The following FLT1 variants were observed in gnomAD, a reference collection of about 807,000 sequenced individuals.
FLT1 encodes fms related receptor tyrosine kinase 1.
FLT1 carries 49 observed loss-of-function variants against 156.3 expected under a neutral mutation model. The ratio of observed to expected loss-of-function variants is 0.31; its 90% CI spans 0.25 to 0.40. FLT1 has a LOEUF of 0.40. Among genes scored for constraint, FLT1 ranks in the 10% least tolerant of loss-of-function variants. The pLI, the probability that FLT1 is intolerant of heterozygous loss-of-function variation, is 1.00. For missense variants in FLT1, 1,322 were observed against 1,637.2 expected (o/e 0.81, Z 3.32); for synonymous variants, 594 against 583.8 (o/e 1.02, Z -0.25).
chr13:28,339,286 T>C lies in FLT1; in HGVS notation c.2370A>G (p.Ile790Met), dbSNP rs1313714115. 4.3e-6 allele frequency: 7 copies of C among 1,613,282 alleles called. No individual in the cohort carries two copies. The Middle Eastern group carries it at 5.1e-4, about 117-fold the overall frequency. Residue 790 changes from isoleucine (I) to methionine (M), a missense_variant, in exon 17 of 30, where the codon ATA becomes ATG. Physicochemically the swap from Ile to Met is conservative, Grantham distance 10 (BLOSUM62 1). This residue lies in a region of FLT1 where 991 missense variants were observed against 1,254.8 expected (regional missense o/e 0.79). Coordinates refer to ENST00000282397, the MANE Select transcript of FLT1 (RefSeq NM_002019.4). ...TTATAATTGATAGGTAGTCAGTCTT[T>C]ATTTCAGAAGAAGACTGAGAAATAA... ...IRKMKRSSSEIKTDYLSIIMD... is the reference protein window; with the variant it reads ...IRKMKRSSSEMKTDYLSIIMD...
chr13:28,415,014 A>C (rs533612943), intron 10 of FLT1, among the ~76,000 whole-genome samples: 1 of 152,320 alleles, frequency 6.6e-6, no homozygotes, highest in East Asian at 1.9e-4. Context: ...ACCTCAGCAC[A>C]GCAGTGTCAG....
intron 3 of FLT1, among the ~76,000 whole-genome samples, chr13:28,443,408 G>A (rs1566030471): frequency 6.6e-6 from 1 of 152,144 alleles, no homozygotes; most frequent in Non-Finnish European, 1.5e-5. Flanking sequence ...ATTTCCAACT[G>A]GCATCACCTG....
chr13:28,494,907 C>T lies in FLT1; in HGVS notation c.-64G>A. 2.2e-6 allele frequency: 3 copies of T among 1,357,428 alleles called. No individual in the cohort carries two copies. The highest frequency in any genetic ancestry group is 2.6e-5 in the South Asian group (2 of 76,464). The allele number at this position is 1,357,428 out of a possible 1,614,324, so 84.1% of individuals were successfully genotyped here. A position where few individuals can be genotyped will look rare whatever the true frequency, so the allele number is the denominator to read the frequency against. The stretch of plus-strand genomic sequence containing the variant: ...TCCCCGCGGCCAACGACCCGGCCGC[C>T]AGAGTCCGTCCTCTCGTTCGCCGCC... On this transcript the variant is annotated 5_prime_UTR_variant, in exon 1 of 30. Coordinates refer to ENST00000282397, the MANE Select transcript of FLT1 (RefSeq NM_002019.4).
At chr13:28,454,612 C>T (rs1390542605) in intron 3 of FLT1, among the ~76,000 whole-genome samples, 1 of 152,158 alleles carries the variant, frequency 6.6e-6, no homozygotes, top group African/African-American at 2.4e-5. Context: ...TTCCCTCTCA[C>T]TACTACTTTC....
At chr13:28,398,212 T>C (rs1875183560) in intron 11 of FLT1, among the ~76,000 whole-genome samples, 1 of 152,228 alleles carries the variant, frequency 6.6e-6, no homozygotes, top group African/African-American at 2.4e-5. Flanking sequence ...GCAGCCTATG[T>C]CCTAGGACAA....
intron 14 of FLT1, among the ~76,000 whole-genome samples, chr13:28,378,327 A>G (rs976531190): frequency 1.3e-5 from 2 of 152,196 alleles, no homozygotes; most frequent in African/African-American, 4.8e-5. Context: ...GATTACAGGC[A>G]TGAGCCAGCG....
chr13:28,400,863 C>T (rs1396590709), intron 11 of FLT1, among the ~76,000 whole-genome samples: 4 of 152,114 alleles, frequency 2.6e-5, no homozygotes, highest in African/African-American at 7.2e-5. Context: ...AATTAGTTTT[C>T]ATTTTCCACA....
At chr13:28,412,578 C>T (rs140026925) in intron 10 of FLT1, among the ~76,000 whole-genome samples, 28 of 150,772 alleles carry the variant, frequency 1.9e-4, no homozygotes, top group African/African-American at 5.1e-4. Context: ...TGTGCCACCA[C>T]GTCTGGCTAA....
At chr13:28,399,284 G>C (rs1875276105) in intron 11 of FLT1, among the ~76,000 whole-genome samples, 1 of 152,140 alleles carries the variant, frequency 6.6e-6, no homozygotes, top group Non-Finnish European at 1.5e-5. Flanking sequence ...TATGAAGTTA[G>C]TTCTCAAGTG....
chr13:28,462,423 C>T (rs529246303), intron 3 of FLT1, among the ~76,000 whole-genome samples: 68 of 152,316 alleles, frequency 4.5e-4, no homozygotes, highest in Non-Finnish European at 8.8e-4. Flanking sequence ...CCCAACATTA[C>T]TGTTCTTCTA....
At chr13:28,412,365 T>TTTCTTTCCTTCCTTCC in intron 10 of FLT1, among the ~76,000 whole-genome samples, 1 of 95,416 alleles carries the variant, frequency 1.0e-5, no homozygotes, top group African/African-American at 3.3e-5. Flanking sequence ...TCTTTCTTTC[T>TTTCTTTCCTTCCTTCC]TTCTTTCTTT....
intron 14 of FLT1, among the ~76,000 whole-genome samples, 183 bp from the exon 15 acceptor site, chr13:28,357,868 C>CTT (rs57304530): frequency 0.028 from 2,893 of 104,706 alleles, 155 homozygotes; most frequent in Admixed American, 0.053. Context: ...CTTTTCTTTC[C>CTT]TTTTTTTTTT....
chr13:28,424,215 AG>A (rs913683532), intron 10 of FLT1, among the ~76,000 whole-genome samples: 10 of 152,066 alleles, frequency 6.6e-5, no homozygotes, highest in Admixed American at 2.0e-4. Context: ...TTGGGATTAC[AG>A]GTATGAGCCA....
chr13:28,493,846 A>G (rs1436340140), intron 1 of FLT1, among the ~76,000 whole-genome samples: 1 of 152,266 alleles, frequency 6.6e-6, no homozygotes, highest in Admixed American at 6.5e-5. Context: ...CGCCCAGCGA[A>G]GGCTGACTTA....
rs1046480921 is a variant in FLT1, at chr13:28,301,078, T to G, written c.*2089A>C. The G allele has an allele frequency of 4.3e-6, 1 of 232,580 alleles. No individual in the cohort carries two copies. The highest frequency in any genetic ancestry group is 2.2e-5 in the African/African-American group (1 of 45,266). The allele number at this position is 232,580 out of a possible 1,614,324, so 14.4% of individuals were successfully genotyped here. A position where few individuals can be genotyped will look rare whatever the true frequency, so the allele number is the denominator to read the frequency against. Reference sequence around the variant, plus strand: ...TCTTGAAAAGGAGTATTTATTATGGTCTCTTAATGATTAAGAATTAATTAT... The same window carrying G: ...TCTTGAAAAGGAGTATTTATTATGGGCTCTTAATGATTAAGAATTAATTAT... On this transcript the variant is annotated 3_prime_UTR_variant, in exon 30 of 30. Coordinates refer to ENST00000282397, the MANE Select transcript of FLT1 (RefSeq NM_002019.4).
chr13:28,483,906 T>G (rs1880994250), intron 1 of FLT1, among the ~76,000 whole-genome samples: 1 of 152,190 alleles, frequency 6.6e-6, no homozygotes, highest in Non-Finnish European at 1.5e-5. Flanking sequence ...ATACTTTGAG[T>G]AAATGTTGGT....
chr13:28,402,439 A>T (rs1875502162), intron 11 of FLT1, among the ~76,000 whole-genome samples: 1 of 152,210 alleles, frequency 6.6e-6, no homozygotes, highest in Non-Finnish European at 1.5e-5. Flanking sequence ...AAGATATATT[A>T]GTAGATGCTA....
chr13:28,406,477 G>A (rs1166951070), intron 10 of FLT1, among the ~76,000 whole-genome samples: 1 of 152,082 alleles, frequency 6.6e-6, no homozygotes, highest in Admixed American at 6.5e-5. Flanking sequence ...ATTTATCTTT[G>A]AGGTCCATGA....
chr13:28,387,703 C>CT, intron 13 of FLT1: 7 of 913,618 alleles, frequency 7.7e-6, no homozygotes, highest in African/African-American at 1.8e-5. Flanking sequence ...CTTTTTTCTC[C>CT]TTTTTTTTTT....
Sources: allele counts gnomAD v4.1 joint callset (sites outside exome capture counted in the v4.1 genomes callset), GRCh38; gene constraint gnomAD v4.1.1; regional missense constraint gnomAD v4.1.1; transcripts MANE v1.5; gene names NCBI Gene and HGNC (gene_info 2026-07-23, HGNC 2026-07-21).